NOTCH2NLR: variants seen among roughly 807,000 people sequenced by gnomAD.
The protein encoded by NOTCH2NLR is notch 2 N-terminal like R (pseudogene).
NOTCH2NLR carries 33 observed loss-of-function variants against 35.6 expected under a neutral mutation model. That is an observed-to-expected ratio of 0.93 (90% CI 0.70 to 1.24). The LOEUF (loss-of-function observed/expected upper bound fraction) is 1.24, where lower values mean the gene tolerates loss of function less well. Ranked by LOEUF, NOTCH2NLR falls within the 50% of genes most tolerant of loss-of-function variation. NOTCH2NLR has a pLI of 0.00. For missense variants in NOTCH2NLR, 276 were observed against 362.2 expected (o/e 0.76, Z 1.93); for synonymous variants, 103 against 141.0 (o/e 0.73, Z 1.91).
Position 120,793,177 on chromosome 1 carries a change from G to A in NOTCH2NLR, c.432G>A (p.Trp144Ter). ...TTCCTTTAGGTAAGGAGTGCCAATGGACCGATGCCTGCCTGTCTCATCTCT... is the reference window on the plus strand; with the variant it reads ...TTCCTTTAGGTAAGGAGTGCCAATGAACCGATGCCTGCCTGTCTCATCTCT... The change falls in exon 4 of 5, where the codon TGG becomes TGA. Residue 144 changes from tryptophan to a stop codon, truncating the protein, a stop_gained. Coordinates refer to ENST00000624419, the Ensembl canonical transcript of NOTCH2NLR. LOFTEE classifies it high-confidence loss of function. 2.1e-6 allele frequency: 3 copies of A among 1,437,228 alleles called. No individual in the cohort carries two copies. The highest frequency in any genetic ancestry group is 2.8e-6 in the Non-Finnish European group (3 of 1,077,566). The allele number at this position is 1,437,228 out of a possible 1,614,324, so 89.0% of individuals were successfully genotyped here.
At chr1:120,769,930 CTT>C (rs1651243020) in intron 2 of NOTCH2NLR, among the ~76,000 whole-genome samples, 1 of 107,334 alleles carries the variant, frequency 9.3e-6, no homozygotes, top group Non-Finnish European at 1.9e-5. Context: ...ACAGGCCTCT[CTT>C]GTGAAATTTA....
rs1651492342 is a variant in NOTCH2NLR, at chr1:120,791,392, C to A, written c.416-1769C>A. ...ATTCACAATAGCAAAGAGTTGGAAC[C>A]AGCCCAAATGTCCATCAATGATAGA... On this transcript the variant is annotated intron_variant, in intron 3 of 4. Transcript: ENST00000624419. 2.8e-5 allele frequency among the ~76,000 whole-genome samples: 3 copies of A among 108,420 alleles called. 1 individual carries two copies. Among genetic ancestry groups the A allele is most frequent in the African/African-American group, 1.8e-4 (3 of 16,780 alleles). 71.1% of individuals were successfully genotyped at this position (108,420 alleles called of 152,430 possible).
In NOTCH2NLR at chr1:120,790,535, CCTTTCTTTCTTTCTTTCTTTCTTT is replaced by C. The variant is rs1189272610; in HGVS notation, c.416-2591_416-2568del. Among the ~76,000 whole-genome samples, 7 of 76,714 alleles carry C rather than the reference CCTTTCTTTCTTTCTTTCTTTCTTT, an allele frequency of 9.1e-5. 1 individual carries two copies. The highest frequency in any genetic ancestry group is 3.9e-4 in the South Asian group (1 of 2,560). 50.3% of individuals were successfully genotyped at this position (76,714 alleles called of 152,430 possible). Reference sequence around the variant, plus strand: ...TTGATTCTTTCTTTCTTTCTCCCTCCCTTTCTTTCTTTCTTTCTTTCTTTCTTTCTTTCTTTCTTTCTTTCTTTC... The same window carrying C: ...TTGATTCTTTCTTTCTTTCTCCCTCCCTTTCTTTCTTTCTTTCTTTCTTTC... On this transcript the variant is annotated intron_variant, in intron 3 of 4. Coordinates refer to ENST00000624419, the Ensembl canonical transcript of NOTCH2NLR.
chr1:120,759,214 A>G lies in NOTCH2NLR; in HGVS notation c.74-4414A>G, dbSNP rs1259445557. 2.6e-4 allele frequency among the ~76,000 whole-genome samples: 12 copies of G among 45,974 alleles called. No homozygotes were observed. The East Asian group carries it at 6.1e-3, about 23-fold the overall frequency. 30.2% of individuals were successfully genotyped at this position (45,974 alleles called of 152,430 possible). ...TGGAAATTGGCTTCTAGATTTTTGT[A>G]TTATATTGCCAAATGATGGAGTGAT... On this transcript the variant is annotated intron_variant, in intron 1 of 4. Coordinates refer to ENST00000624419, the Ensembl canonical transcript of NOTCH2NLR.
At chr1:120,790,711 T>G (rs1651483109) in intron 3 of NOTCH2NLR, among the ~76,000 whole-genome samples, 1 of 111,430 alleles carries the variant, frequency 9.0e-6, no homozygotes, top group South Asian at 2.6e-4. Context: ...GTGATTCTTG[T>G]GCCTCAGCCT....
At chr1:120,776,076 C>T (rs1381949556) in intron 2 of NOTCH2NLR, among the ~76,000 whole-genome samples, 2 of 114,966 alleles carry the variant, frequency 1.7e-5, no homozygotes, top group Non-Finnish European at 3.3e-5. Flanking sequence ...GGTAAAGATT[C>T]CACAGAGCCC....
In NOTCH2NLR at chr1:120,783,980, A is replaced by C. The variant is rs1651394402; in HGVS notation, c.156-994A>C. On this transcript the variant is annotated intron_variant, in intron 2 of 4. Transcript: ENST00000624419. Reference sequence around the variant, plus strand: ...TTTTAGAAAACAGTTTCTAAGCAATAATTAGAATTAAAGTTTTGTTGCAGA... The same window carrying C: ...TTTTAGAAAACAGTTTCTAAGCAATCATTAGAATTAAAGTTTTGTTGCAGA... 1.8e-5 allele frequency among the ~76,000 whole-genome samples: 2 copies of C among 111,170 alleles called. 1 individual carries two copies. The highest frequency in any genetic ancestry group is 3.4e-5 in the Non-Finnish European group (2 of 58,924). 72.9% of individuals were successfully genotyped at this position (111,170 alleles called of 152,430 possible).
At position 120,727,982 on chromosome 1, in the gene NOTCH2NLR, G is replaced by C. The variant is rs1267001963; in HGVS notation, c.73+3732G>C. Among the ~76,000 whole-genome samples the C allele has an allele frequency of 1.7e-3, 205 of 119,172 alleles. 38 individuals are homozygous for C. Among genetic ancestry groups the C allele is most frequent in the Middle Eastern group, 3.8e-3 (1 of 266 alleles). The allele number at this position is 119,172 out of a possible 152,430, so 78.2% of individuals were successfully genotyped here. On this transcript the variant is annotated intron_variant, in intron 1 of 4. Coordinates refer to ENST00000624419, the Ensembl canonical transcript of NOTCH2NLR. ...GACCTTGTAGGAGAGCCACTGTTTC[G>C]GTCCTCCATTTTCTGATGTTCATTG...
rs1485590631 is a variant in NOTCH2NLR, at chr1:120,792,570, C to T, written c.416-591C>T. On this transcript the variant is annotated intron_variant, in intron 3 of 4. Coordinates refer to ENST00000624419, the Ensembl canonical transcript of NOTCH2NLR. ...AGGCTGGAGTGCAGTGGTACAATCT[C>T]GGCTCACTGCAACCTCCGCCTCCTG... Among the ~76,000 whole-genome samples, 10 of 110,422 alleles carry T rather than the reference C, an allele frequency of 9.1e-5. 1 individual carries two copies. The South Asian group carries it at 2.6e-3, about 28-fold the overall frequency. 72.4% of individuals were successfully genotyped at this position (110,422 alleles called of 152,430 possible).
intron 1 of NOTCH2NLR, among the ~76,000 whole-genome samples, chr1:120,727,828 A>T (rs1181686234): frequency 0.016 from 1,844 of 116,542 alleles, 404 homozygotes; most frequent in South Asian, 0.035. Context: ...TCTGCAAATG[A>T]CTTGAAACCA....
intron 1 of NOTCH2NLR, among the ~76,000 whole-genome samples, chr1:120,752,587 T>TTTTTTTTTTTTTTC (rs1651036534): frequency 2.5e-5 from 1 of 40,258 alleles, no homozygotes; most frequent in Non-Finnish European, 3.9e-5. Flanking sequence ...TTTTTTTTTT[T>TTTTTTTTTTTTTTC]TCAGGCAGAG....
intron 1 of NOTCH2NLR, among the ~76,000 whole-genome samples, chr1:120,726,979 G>A (rs1209232994): frequency 8.7e-6 from 1 of 114,586 alleles, no homozygotes; most frequent in Non-Finnish European, 1.7e-5. Context: ...AAATTCAGTG[G>A]GATATGCTTG....
At chr1:120,777,997 C>A (rs1453220922) in intron 2 of NOTCH2NLR, among the ~76,000 whole-genome samples, 6 of 81,654 alleles carry the variant, frequency 7.3e-5, no homozygotes, top group Non-Finnish European at 1.3e-4. Context: ...AGTTTGTAGT[C>A]GGAGCCTTGG....
At position 120,785,247 on chromosome 1, in the gene NOTCH2NLR, C is replaced by T. The variant is rs1651412834; in HGVS notation, c.415+14C>T. ...TCGGGTTTACAGGTAACTAATGAGA[C>T]CAAAGCCAGTGCTTCCCTACCTTCA... On this transcript the variant is annotated intron_variant, in intron 3 of 4. Transcript: ENST00000624419. 1 of 1,443,558 alleles carries T rather than the reference C, an allele frequency of 6.9e-7. No homozygotes were observed. The highest frequency in any genetic ancestry group is 1.2e-5 in the South Asian group (1 of 83,098). The allele number at this position is 1,443,558 out of a possible 1,614,324, so 89.4% of individuals were successfully genotyped here.
At chr1:120,765,880 A>G (rs1228310182) in intron 2 of NOTCH2NLR, among the ~76,000 whole-genome samples, 1 of 115,122 alleles carries the variant, frequency 8.7e-6, no homozygotes, top group Non-Finnish European at 1.7e-5. Context: ...TAACACAGGA[A>G]CAGAAAACCA....
chr1:120,760,185 T>A, intron 1 of NOTCH2NLR, among the ~76,000 whole-genome samples: 1 of 51,722 alleles, frequency 1.9e-5, no homozygotes, highest in South Asian at 5.3e-4. Flanking sequence ...CACAGCTTTT[T>A]TTTTTTTTTT....
At chr1:120,728,906 T>G (rs1337547008) in intron 1 of NOTCH2NLR, among the ~76,000 whole-genome samples, 4 of 109,086 alleles carry the variant, frequency 3.7e-5, no homozygotes, top group Non-Finnish European at 6.8e-5. Context: ...GAGAATCACA[T>G]GGTGTTGAGT....
chr1:120,778,394 G>A lies in NOTCH2NLR; in HGVS notation c.156-6580G>A, dbSNP rs1341402573. The stretch of plus-strand genomic sequence containing the variant: ...TCTGCTGGAAACTAGCCCAGAGGGA[G>A]TAAAGAGGAGCTTTAATGAGGAGCA... On this transcript the variant is annotated intron_variant, in intron 2 of 4. Coordinates refer to ENST00000624419, the Ensembl canonical transcript of NOTCH2NLR. Among the ~76,000 whole-genome samples, 4 of 109,126 alleles carry A rather than the reference G, an allele frequency of 3.7e-5. 1 individual carries two copies. The highest frequency in any genetic ancestry group is 1.2e-4 in the African/African-American group (2 of 16,832). 71.6% of individuals were successfully genotyped at this position (109,126 alleles called of 152,430 possible). A position where few individuals can be genotyped will look rare whatever the true frequency, so the allele number is the denominator to read the frequency against.
chr1:120,770,659 G>T (rs2101427430), intron 2 of NOTCH2NLR, among the ~76,000 whole-genome samples: 1 of 120,976 alleles, frequency 8.3e-6, no homozygotes, highest in South Asian at 2.4e-4. Context: ...GAAGCTAAGA[G>T]AAGTTAAATA....
Sources: allele counts gnomAD v4.1 joint callset (sites outside exome capture counted in the v4.1 genomes callset), GRCh38; gene constraint gnomAD v4.1.1; transcripts MANE v1.5; gene names NCBI Gene and HGNC (gene_info 2026-07-23, HGNC 2026-07-21).